The following METTL8 variants were observed in gnomAD, a reference collection of about 807,000 sequenced individuals.
The protein encoded by METTL8 is methyltransferase 8, tRNA N3-cytidine.
METTL8 carries 32 observed loss-of-function variants against 48.7 expected under a neutral mutation model. That is an observed-to-expected ratio of 0.66 (90% CI 0.50 to 0.88). The LOEUF (loss-of-function observed/expected upper bound fraction) is 0.88. METTL8 is among the 40% of genes least tolerant of loss of function. The probability of loss-of-function intolerance (pLI) is 0.00; values close to 1 mark genes in which losing one functional copy is unlikely to be tolerated. For missense variants in METTL8, 464 were observed against 474.4 expected, an observed-to-expected ratio of 0.98 and a Z score of 0.20; for synonymous variants, 136 against 157.1, an observed-to-expected ratio of 0.87 and a Z score of 1.01.
In METTL8 at chr2:171,337,448, C is replaced by G; in HGVS notation, c.656+5G>C. 4 of 1,589,444 alleles carry G rather than the reference C, an allele frequency of 2.5e-6. No homozygotes were observed. Among genetic ancestry groups the G allele is most frequent in the Non-Finnish European group, 3.4e-6 (4 of 1,167,510 alleles). On this transcript the variant is annotated splice_donor_5th_base_variant and intron_variant, in intron 5 of 9. Coordinates refer to ENST00000375258, the MANE Select transcript of METTL8 (RefSeq NM_001321154.2). The stretch of plus-strand genomic sequence containing the variant: ...TTCTGTAGAAAGAAAACTCTTAAAA[C>G]TCACTCCAAAGTGTTCAAAATTGGA...
chr2:171,328,656 A>G (rs1186360544), intron 7 of METTL8, among the ~76,000 whole-genome samples: 6 of 151,990 alleles, frequency 3.9e-5, no homozygotes, highest in Admixed American at 2.6e-4. Context: ...GATTACAGGC[A>G]TGCAGTACCA....
chr2:171,344,703 A>C (rs1687098941), intron 3 of METTL8, among the ~76,000 whole-genome samples: 1 of 152,218 alleles, frequency 6.6e-6, no homozygotes, highest in Non-Finnish European at 1.5e-5. Context: ...AAAACAGAGA[A>C]GCAGCACCAG....
At chr2:171,393,605 T>G (rs1688789859) in intron 1 of METTL8, among the ~76,000 whole-genome samples, 1 of 152,202 alleles carries the variant, frequency 6.6e-6, no homozygotes. Flanking sequence ...TGCTTACTTT[T>G]TCCAATAAGA....
intron 1 of METTL8, among the ~76,000 whole-genome samples, chr2:171,420,047 A>C (rs1691716567): frequency 6.6e-6 from 1 of 151,868 alleles, no homozygotes; most frequent in Non-Finnish European, 1.5e-5. Context: ...TGACTGAGTA[A>C]AACTTAGAGA....
At chr2:171,348,171 C>T (rs1683490719) in intron 3 of METTL8, among the ~76,000 whole-genome samples, 1 of 152,180 alleles carries the variant, frequency 6.6e-6, no homozygotes, top group South Asian at 2.1e-4. Context: ...AGTGATCTTC[C>T]TTATACTTGG....
intron 1 of METTL8, among the ~76,000 whole-genome samples, chr2:171,406,385 C>T (rs1690179941): frequency 6.6e-6 from 1 of 152,184 alleles, no homozygotes; most frequent in Non-Finnish European, 1.5e-5. Flanking sequence ...GCTGCCACAA[C>T]AAAATATCAT....
intron 1 of METTL8, among the ~76,000 whole-genome samples, chr2:171,403,008 A>G (rs76894693): frequency 5.0e-4 from 76 of 152,306 alleles, no homozygotes; most frequent in Non-Finnish European, 9.3e-4. Context: ...ATCCATACTG[A>G]TATAAATGAT....
intron 9 of METTL8, among the ~76,000 whole-genome samples, chr2:171,325,344 C>T (rs148306003): frequency 3.0e-4 from 46 of 152,120 alleles, no homozygotes; most frequent in African/African-American, 1.1e-3. Context: ...CACCACCAGA[C>T]CAGCTAATTA....
At chr2:171,340,217 TG>T (rs1686584213) in intron 3 of METTL8, among the ~76,000 whole-genome samples, 1 of 100,878 alleles carries the variant, frequency 9.9e-6, no homozygotes, top group Non-Finnish European at 2.0e-5. Context: ...AAAAAAAGAA[TG>T]AGGGCTGGGC....
Position 171,324,012 on chromosome 2 carries a change from T to A in METTL8, c.*160A>T, listed in dbSNP as rs866137846. 20 of 604,326 alleles carry A rather than the reference T, an allele frequency of 3.3e-5. No individual in the cohort carries two copies. In the African/African-American group the frequency reaches 3.7e-4, roughly 11 times the overall value. The allele number at this position is 604,326 out of a possible 1,614,324, so 37.4% of individuals were successfully genotyped here. ...AAAAGGCATACTGTGCTGAACCACT[T>A]ACATGTGCTTAAAATGCACAAAGGA... On this transcript the variant is annotated 3_prime_UTR_variant, in exon 10 of 10. Coordinates refer to ENST00000375258, the MANE Select transcript of METTL8 (RefSeq NM_001321154.2).
Position 171,347,432 on chromosome 2 carries a change from T to C in METTL8, c.236-7878A>G, listed in dbSNP as rs552075613. Among the ~76,000 whole-genome samples, 10 of 152,232 alleles carry C rather than the reference T, an allele frequency of 6.6e-5. No individual in the cohort carries two copies. In the South Asian group the frequency reaches 1.9e-3, roughly 28 times the overall value. ...AGCTTCACCAAGTTCATTGTTAACATAAATAGGACAAAATAGGCAGCCACA... is the reference window on the plus strand; with the variant it reads ...AGCTTCACCAAGTTCATTGTTAACACAAATAGGACAAAATAGGCAGCCACA... On this transcript the variant is annotated intron_variant, in intron 3 of 9. Coordinates refer to ENST00000375258, the MANE Select transcript of METTL8 (RefSeq NM_001321154.2).
At chr2:171,370,398 A>C (rs1686197888) in intron 2 of METTL8, among the ~76,000 whole-genome samples, 1 of 152,186 alleles carries the variant, frequency 6.6e-6, no homozygotes, top group Non-Finnish European at 1.5e-5. Context: ...TTTTCTGACA[A>C]TATAAAAAAT....
At chr2:171,408,268 C>T (rs559271386) in intron 1 of METTL8, among the ~76,000 whole-genome samples, 1 of 150,326 alleles carries the variant, frequency 6.7e-6, no homozygotes, top group Non-Finnish European at 1.5e-5. Flanking sequence ...TTAGAAAATT[C>T]TGTTCCAGAG....
chr2:171,389,365 C>T (rs1229787778), intron 2 of METTL8, among the ~76,000 whole-genome samples: 1 of 151,684 alleles, frequency 6.6e-6, no homozygotes, highest in Non-Finnish European at 1.5e-5. Flanking sequence ...ACAAAAAATA[C>T]AAAAATTAGC....
At chr2:171,370,066 A>C (rs1686156814) in intron 2 of METTL8, among the ~76,000 whole-genome samples, 1 of 146,166 alleles carries the variant, frequency 6.8e-6, no homozygotes, top group Admixed American at 6.8e-5. Context: ...ACTCCATCTC[A>C]AAAAAAAAAA....
At chr2:171,431,346 C>G (rs1692994045) in intron 1 of METTL8, among the ~76,000 whole-genome samples, 1 of 152,182 alleles carries the variant, frequency 6.6e-6, no homozygotes, top group African/African-American at 2.4e-5. Flanking sequence ...GCACCTTAAG[C>G]CCAGGTATTC....
chr2:171,412,341 T>C (rs1202101544), intron 1 of METTL8, among the ~76,000 whole-genome samples: 1 of 152,180 alleles, frequency 6.6e-6, no homozygotes, highest in African/African-American at 2.4e-5. Flanking sequence ...ACCATCTCTT[T>C]CTGTGTCTCT....
At chr2:171,386,502 G>T (rs1349651460) in intron 2 of METTL8, among the ~76,000 whole-genome samples, 2 of 152,186 alleles carry the variant, frequency 1.3e-5, no homozygotes, top group Non-Finnish European at 1.5e-5. Context: ...AGTGGCTCAC[G>T]CCTGTAATCC....
At chr2:171,402,578 T>C (rs1689748134) in intron 1 of METTL8, among the ~76,000 whole-genome samples, 1 of 152,152 alleles carries the variant, frequency 6.6e-6, no homozygotes, top group Non-Finnish European at 1.5e-5. Context: ...TATATAGAAA[T>C]ATCTGTAGAT....
Sources: gnomAD v4.1 joint callset for allele counts (sites outside exome capture counted in the v4.1 genomes callset) on GRCh38, gnomAD v4.1.1 for gene constraint, MANE v1.5 for transcripts, NCBI Gene and HGNC (gene_info 2026-07-23, HGNC 2026-07-21) for gene names.